The following CLIC5 variants were observed in gnomAD, a reference collection of about 807,000 sequenced individuals.
CLIC5 encodes the protein chloride intracellular channel protein 5.
CLIC5 carries 20 observed loss-of-function variants against 24.7 expected under a neutral mutation model. The ratio of observed to expected loss-of-function variants is 0.81; its 90% confidence interval spans 0.57 to 1.18. The LOEUF (loss-of-function observed/expected upper bound fraction) is 1.18. Ranked by LOEUF, CLIC5 falls within the 50% of genes most tolerant of loss-of-function variation. CLIC5 has a pLI of 0.00. For missense variants in CLIC5, 341 were observed against 326.1 expected, an observed-to-expected ratio of 1.05 and a Z score of -0.35; for synonymous variants, 159 against 135.6, an observed-to-expected ratio of 1.17 and a Z score of -1.20.
chr6:45,893,097 T>C (rs916999931), intron 6 of CLIC5, among the ~76,000 whole-genome samples: 3 of 152,208 alleles, frequency 2.0e-5, no homozygotes, highest in African/African-American at 7.2e-5. Context: ...CTTGGCCCTG[T>C]TGTTGTCTTT....
upstream of CLIC5, among the ~76,000 whole-genome samples, chr6:46,018,443 C>T (rs989342151): frequency 9.2e-5 from 14 of 152,188 alleles, no homozygotes; most frequent in Non-Finnish European, 1.9e-4. Flanking sequence ...CCCATTTGGA[C>T]ATCCCTGCAG....
intron 5 of CLIC5, among the ~76,000 whole-genome samples, chr6:45,906,867 G>A (rs2127298280): frequency 6.6e-6 from 1 of 152,278 alleles, no homozygotes; most frequent in East Asian, 1.9e-4. Context: ...CGGCCACATT[G>A]ACTTTTTATA....
chr6:45,975,992 A>G (rs1765372162), intron 1 of CLIC5, among the ~76,000 whole-genome samples: 1 of 152,152 alleles, frequency 6.6e-6, no homozygotes, highest in East Asian at 1.9e-4. Flanking sequence ...GGAATCAGAA[A>G]TCCTGGGTTC....
the CLIC5 span, among the ~76,000 whole-genome samples, chr6:46,095,165 A>G: frequency 6.6e-6 from 1 of 151,366 alleles, no homozygotes; most frequent in African/African-American, 2.4e-5. Context: ...GGCCTGGCCC[A>G]GGAAACCATT....
At chr6:45,912,730 G>C in intron 5 of CLIC5, 1 of 1,533,796 alleles carries the variant, frequency 6.5e-7, no homozygotes, top group African/African-American at 1.4e-5. Context: ...CCTTTCAGTG[G>C]TACTTGTTCC....
chr6:45,890,166 T>C (rs1762336963), intron 6 of CLIC5, among the ~76,000 whole-genome samples: 1 of 152,204 alleles, frequency 6.6e-6, no homozygotes, highest in Non-Finnish European at 1.5e-5. Context: ...TTTGCAAATA[T>C]TTTCTCCTAA....
intron 1 of CLIC5, among the ~76,000 whole-genome samples, chr6:45,982,674 C>T (rs570533180): frequency 8.5e-5 from 13 of 152,176 alleles, no homozygotes; most frequent in South Asian, 6.2e-4. Flanking sequence ...CCGTCTTCTA[C>T]GGGGTCCGTC....
chr6:45,974,996 T>C (rs1012701994), intron 1 of CLIC5, among the ~76,000 whole-genome samples: 2 of 152,234 alleles, frequency 1.3e-5, no homozygotes, highest in African/African-American at 4.8e-5. Context: ...ATTTCAGGAT[T>C]ACAGATAAAG....
the CLIC5 span, among the ~76,000 whole-genome samples, chr6:46,111,635 CTCTA>C: frequency 3.3e-5 from 5 of 152,272 alleles, no homozygotes; most frequent in African/African-American, 9.6e-5. Context: ...TCCTTTTCCT[CTCTA>C]TCTAACAACA....
At chr6:46,067,275 T>TC (rs1453311160) in intron 1 of CLIC5, among the ~76,000 whole-genome samples, 1 of 151,720 alleles carries the variant, frequency 6.6e-6, no homozygotes, top group Non-Finnish European at 1.5e-5. Context: ...CAAGATTCGT[T>TC]CCCCAAGGAG....
the CLIC5 span, among the ~76,000 whole-genome samples, chr6:46,110,915 A>G: frequency 2.6e-5 from 4 of 152,358 alleles, no homozygotes; most frequent in South Asian, 8.3e-4. Flanking sequence ...AATAAAACTA[A>G]AACTTATTTT....
At chr6:45,942,664 T>A (rs1326697056) in intron 3 of CLIC5, among the ~76,000 whole-genome samples, 1 of 152,218 alleles carries the variant, frequency 6.6e-6, no homozygotes, top group Non-Finnish European at 1.5e-5. Context: ...TTTTGATGTT[T>A]TTGATAGTTC....
chr6:46,041,723 A>G (rs1767813891), intron 1 of CLIC5, among the ~76,000 whole-genome samples: 1 of 152,178 alleles, frequency 6.6e-6, no homozygotes, highest in South Asian at 2.1e-4. Flanking sequence ...TGAATTTTAG[A>G]ACAGTTACCT....
At chr6:45,962,427 C>T (rs148117362) in intron 1 of CLIC5, among the ~76,000 whole-genome samples, 3 of 145,574 alleles carry the variant, frequency 2.1e-5, no homozygotes, top group Non-Finnish European at 4.5e-5. Context: ...CCTACCCACA[C>T]TATAAAGGGC....
upstream of CLIC5, among the ~76,000 whole-genome samples, chr6:46,082,060 C>A (rs1762931035): frequency 6.6e-6 from 1 of 152,120 alleles, no homozygotes; most frequent in Non-Finnish European, 1.5e-5. Context: ...TCCCAAGAAC[C>A]AATTTTCACC....
intron 6 of CLIC5, among the ~76,000 whole-genome samples, chr6:45,889,936 A>C (rs1762335571): frequency 6.6e-6 from 1 of 152,226 alleles, no homozygotes; most frequent in Non-Finnish European, 1.5e-5. Context: ...GCATTCATAG[A>C]ATGAAACACT....
chr6:45,985,149 G>A (rs1765691022), intron 1 of CLIC5, among the ~76,000 whole-genome samples: 1 of 152,206 alleles, frequency 6.6e-6, no homozygotes, highest in Middle Eastern at 3.2e-3. Context: ...CATCCACATA[G>A]AGAGGGAAAC....
intron 1 of CLIC5, among the ~76,000 whole-genome samples, chr6:46,036,640 TCTTACA>T (rs1156993405): frequency 6.6e-6 from 1 of 152,218 alleles, no homozygotes; most frequent in Non-Finnish European, 1.5e-5. Context: ...TAGGACCACA[TCTTACA>T]GTTATTTGTA....
intron 1 of CLIC5, among the ~76,000 whole-genome samples, chr6:45,958,695 A>G (rs1004216718): frequency 6.6e-6 from 1 of 151,672 alleles, no homozygotes; most frequent in African/African-American, 2.4e-5. Flanking sequence ...TATGCTGGAT[A>G]CTTCATATTA....
Sources: allele counts gnomAD v4.1 joint callset (sites outside exome capture counted in the v4.1 genomes callset), GRCh38; gene constraint gnomAD v4.1.1; transcripts MANE v1.5; gene names NCBI Gene and HGNC (gene_info 2026-07-23, HGNC 2026-07-21).